The following ADRA1A variants were observed in gnomAD, a reference collection of about 807,000 sequenced individuals.
The protein encoded by ADRA1A is alpha-1A adrenergic receptor.
In ADRA1A, 31 loss-of-function variants were observed where a neutral mutation model predicts 29.6. The ratio of observed to expected loss-of-function variants is 1.05; its 90% confidence interval spans 0.79 to 1.41. The LOEUF is 1.41. Ranked by LOEUF, ADRA1A falls within the 40% of genes most tolerant of loss-of-function variation. The pLI is 0.00. For synonymous variants in ADRA1A, 311 were observed against 254.3 expected, an observed-to-expected ratio of 1.22 and a Z score of -2.12; for missense variants, 619 against 601.1, an observed-to-expected ratio of 1.03 and a Z score of -0.31.
downstream of ADRA1A, chr8:26,766,296 GAT>G: frequency 1.5e-6 from 1 of 651,850 alleles, no homozygotes; most frequent in Admixed American, 2.3e-5. Flanking sequence ...TACAACACCC[GAT>G]ATGTGTCCTG....
At position 26,864,587 on chromosome 8, in the gene ADRA1A, AC is replaced by A; in HGVS notation, c.382del (p.Val128Ter). The A allele has an allele frequency of 6.2e-7, 1 of 1,613,884 alleles. No homozygotes were observed. Among genetic ancestry groups the A allele is most frequent in the South Asian group, 1.1e-5 (1 of 91,072 alleles). ...CIISIDRYIG[V>X]SYPLRYPTIV... ...GGTTGGGTAGCGCAGCGGGTAGCTC[AC>A]GCCGATGTAGCGGTCGATGGAGATG... On this transcript the variant is annotated frameshift_variant, in exon 2 of 3. Coordinates refer to ENST00000380573, the MANE Select transcript of ADRA1A (RefSeq NM_000680.4). LOFTEE classifies it high-confidence loss of function. This position sits in a 1 kb window ranked among gnomAD's most constrained non-coding sequence, Gnocchi z 8.1.
chr8:26,767,806 T>G (rs779138018), downstream of ADRA1A, among the ~76,000 whole-genome samples: 52 of 151,842 alleles, frequency 3.4e-4, no homozygotes, highest in Non-Finnish European at 6.5e-4. Flanking sequence ...TAAGGGGGAG[T>G]GGGGCAAGTG....
chr8:26,839,891 T>C (rs987824646), intron 2 of ADRA1A, among the ~76,000 whole-genome samples: 4 of 152,072 alleles, frequency 2.6e-5, no homozygotes, highest in African/African-American at 9.7e-5. Context: ...TCTGCCAAGG[T>C]CAAGGAGCAA....
rs113057722 is a variant in ADRA1A, at chr8:26,776,008, T to C, written c.884-5342A>G. Among the ~76,000 whole-genome samples, 863 of 152,286 alleles carry C rather than the reference T, an allele frequency of 5.7e-3. 6 individuals carry two copies. The highest frequency in any genetic ancestry group is 9.9e-3 in the Non-Finnish European group (675 of 68,004). The stretch of plus-strand genomic sequence containing the variant: ...AACTGGGGCTCATCTAATAGGCTTA[T>C]GAGGGGGCACTAGGAGGCATCCCAG... On this transcript the variant is annotated intron_variant, in intron 2 of 2. Coordinates refer to ENST00000380573, the MANE Select transcript of ADRA1A (RefSeq NM_000680.4).
Position 26,864,262 on chromosome 8 carries a change from G to T in ADRA1A, c.708C>A (p.Ile236=). ...CTCCTGCCGGGGCGTTTTTCCGATG[G>T]ATGCGGAGCGTCACTTGCTCCGAGT... ...KSDSEQVTLR[I]HRKNAPAGGS... Residue 236 remains isoleucine (I), a synonymous_variant, in exon 2 of 3, where the codon ATC becomes ATA. Transcript: ENST00000380573. This position sits in a 1 kb window ranked among gnomAD's most constrained non-coding sequence, Gnocchi z 8.1. 6.2e-7 allele frequency: 1 copy of T among 1,614,208 alleles called. No individual in the cohort carries two copies. Among genetic ancestry groups the T allele is most frequent in the South Asian group, 1.1e-5 (1 of 91,088 alleles).
intron 2 of ADRA1A, among the ~76,000 whole-genome samples, chr8:26,846,741 C>T (rs1812232367): frequency 6.6e-6 from 1 of 152,208 alleles, no homozygotes; most frequent in Non-Finnish European, 1.5e-5. Flanking sequence ...CATTGCACTC[C>T]AGCCTGGGTA....
At chr8:26,844,373 T>G (rs1284373152) in intron 2 of ADRA1A, among the ~76,000 whole-genome samples, 2 of 152,172 alleles carry the variant, frequency 1.3e-5, no homozygotes, top group African/African-American at 4.8e-5. Context: ...TTCTACATCA[T>G]TTTCTTTAAA....
intron 2 of ADRA1A, among the ~76,000 whole-genome samples, chr8:26,774,583 T>C (rs1367707355): frequency 2.6e-5 from 4 of 151,798 alleles, no homozygotes; most frequent in Non-Finnish European, 4.4e-5. Flanking sequence ...GTAGGAGGAT[T>C]GCTTGAGCCC....
At chr8:26,826,788 G>T (rs1039388298) in intron 2 of ADRA1A, among the ~76,000 whole-genome samples, 1 of 152,060 alleles carries the variant, frequency 6.6e-6, no homozygotes, top group Non-Finnish European at 1.5e-5. Flanking sequence ...CTAGGGCGAG[G>T]GTCTCCCAGT....
chr8:26,858,868 A>C (rs969472391), intron 2 of ADRA1A, among the ~76,000 whole-genome samples: 16 of 152,222 alleles, frequency 1.1e-4, no homozygotes, highest in Non-Finnish European at 2.4e-4. Flanking sequence ...GAACAAGATT[A>C]GCAAGATTTA....
At chr8:26,803,774 C>T (rs1003988790) in intron 2 of ADRA1A, among the ~76,000 whole-genome samples, 8 of 152,162 alleles carry the variant, frequency 5.3e-5, no homozygotes, top group Non-Finnish European at 1.2e-4. Context: ...AGACACTTGA[C>T]ATAGGAAGAT....
Position 26,865,417 on chromosome 8 carries a change from G to C in ADRA1A, c.-448C>G, listed in dbSNP as rs1813834158. 1 of 1,004,110 alleles carries C rather than the reference G, an allele frequency of 1.0e-6. No individual in the cohort carries two copies. The highest frequency in any genetic ancestry group is 4.3e-5 in the South Asian group (1 of 23,356). 62.2% of individuals were successfully genotyped at this position (1,004,110 alleles called of 1,614,324 possible). On this transcript the variant is annotated 5_prime_UTR_variant, in exon 2 of 3. Coordinates refer to ENST00000380573, the MANE Select transcript of ADRA1A (RefSeq NM_000680.4). This position sits in a 1 kb window ranked among gnomAD's most constrained non-coding sequence, Gnocchi z 7.6. Reference sequence around the variant, plus strand: ...ATGATTCGGAATTCAAAACTCCAGCGCCAGTCTCTCCCTCAAACCAAAAGA... The same window carrying C: ...ATGATTCGGAATTCAAAACTCCAGCCCCAGTCTCTCCCTCAAACCAAAAGA...
In ADRA1A at chr8:26,865,896, A is replaced by C. The variant is rs1439758627; in HGVS notation, c.-686-241T>G. Among the ~76,000 whole-genome samples the C allele has an allele frequency of 9.5e-6, 1 of 105,300 alleles. No individual in the cohort carries two copies. Among genetic ancestry groups the C allele is most frequent in the Non-Finnish European group, 2.4e-5 (1 of 41,606 alleles). 69.1% of individuals were successfully genotyped at this position (105,300 alleles called of 152,430 possible). On this transcript the variant is annotated intron_variant, in intron 1 of 2. Coordinates refer to ENST00000380573, the MANE Select transcript of ADRA1A (RefSeq NM_000680.4). This position sits in a 1 kb window ranked among gnomAD's most constrained non-coding sequence, Gnocchi z 7.6. ...CCCGAGTTCAGGATCCGAAGCGAAA[A>C]ACAAACAAAAAAACAAATCCCCAAA... is the stretch of plus-strand genomic sequence containing the variant.
At position 26,865,015 on chromosome 8, in the gene ADRA1A, C is replaced by T. The variant is rs371542406; in HGVS notation, c.-46G>A. On this transcript the variant is annotated 5_prime_UTR_variant, in exon 2 of 3. Coordinates refer to ENST00000380573, the MANE Select transcript of ADRA1A (RefSeq NM_000680.4). This position sits in a 1 kb window ranked among gnomAD's most constrained non-coding sequence, Gnocchi z 7.6. Reference sequence around the variant, plus strand: ...GAGGTCCGGCTGTCCAGGGCCACCTCCCGGGCTGGCGCGGAGGCGGGAGCG... The same window carrying T: ...GAGGTCCGGCTGTCCAGGGCCACCTTCCGGGCTGGCGCGGAGGCGGGAGCG... 4.6e-6 allele frequency: 7 copies of T among 1,533,164 alleles called. No homozygotes were observed. The highest frequency in any genetic ancestry group is 6.1e-6 in the Non-Finnish European group (7 of 1,148,104). The allele number at this position is 1,533,164 out of a possible 1,614,324, so 95.0% of individuals were successfully genotyped here. A position where few individuals can be genotyped will look rare whatever the true frequency, so the allele number is the denominator to read the frequency against.
intron 2 of ADRA1A, among the ~76,000 whole-genome samples, chr8:26,826,806 CTGAATT>C (rs1364019179): frequency 6.6e-6 from 1 of 152,204 alleles, no homozygotes; most frequent in Non-Finnish European, 1.5e-5. Flanking sequence ...AGTCTGATTC[CTGAATT>C]TGACCAGTAG....
rs60134870 is a variant in ADRA1A at position 26,805,207 on chromosome 8, G to T, written c.884-34541C>A. Reference sequence around the variant, plus strand: ...TGGGGCTCTCACCTCTGCCTACCTGGCTCTTCACGTGAAGTCGCCTTCCTC... The same window carrying T: ...TGGGGCTCTCACCTCTGCCTACCTGTCTCTTCACGTGAAGTCGCCTTCCTC... On this transcript the variant is annotated intron_variant, in intron 2 of 2. Coordinates refer to ENST00000380573, the MANE Select transcript of ADRA1A (RefSeq NM_000680.4). This position sits in a 1 kb window ranked among gnomAD's most constrained non-coding sequence, Gnocchi z 4.8. Among the ~76,000 whole-genome samples the T allele has an allele frequency of 0.025, 3,868 of 152,236 alleles. 74 individuals are homozygous for T. The highest frequency in any genetic ancestry group is 0.061 in the Middle Eastern group (18 of 294).
At position 26,795,680 on chromosome 8, in the gene ADRA1A, A is replaced by G. The variant is rs1001947385; in HGVS notation, c.884-25014T>C. On this transcript the variant is annotated intron_variant, in intron 2 of 2. Transcript: ENST00000380573. ...ACATTTTTTACCTCCTGATGGAAGT[A>G]TATACCATCTAAGCATTAGTTTTAC... Among the ~76,000 whole-genome samples, 4 of 152,280 alleles carry G rather than the reference A, an allele frequency of 2.6e-5. 1 individual carries two copies. The South Asian group carries it at 8.3e-4, about 32-fold the overall frequency.
chr8:26,769,400 T>C lies in ADRA1A; in HGVS notation c.*749A>G. The C allele has an allele frequency of 2.0e-6, 2 of 985,456 alleles. No individual in the cohort carries two copies. The highest frequency in any genetic ancestry group is 2.4e-6 in the Non-Finnish European group (2 of 829,936). 61.0% of individuals were successfully genotyped at this position (985,456 alleles called of 1,614,324 possible). On this transcript the variant is annotated 3_prime_UTR_variant, in exon 3 of 3. Coordinates refer to ENST00000380573, the MANE Select transcript of ADRA1A (RefSeq NM_000680.4). ...AGTAGTTAAATTGAAAGAATGATGCTCAGGTCTATTGTTTTCTCTTGGGAA... is the reference window on the plus strand; with the variant it reads ...AGTAGTTAAATTGAAAGAATGATGCCCAGGTCTATTGTTTTCTCTTGGGAA...
chr8:26,824,050 G>C (rs771016466), intron 2 of ADRA1A, among the ~76,000 whole-genome samples: 1 of 152,086 alleles, frequency 6.6e-6, no homozygotes, highest in South Asian at 2.1e-4. Flanking sequence ...CACACCTGCT[G>C]TACTGGCCAC....
Sources: allele counts gnomAD v4.1 joint callset (sites outside exome capture counted in the v4.1 genomes callset), GRCh38; gene constraint gnomAD v4.1.1; non-coding constraint Gnocchi (gnomAD v3.1); transcripts MANE v1.5; gene names NCBI Gene and HGNC (gene_info 2026-07-23, HGNC 2026-07-21).